Variants in ADAMTS6 observed in about 807,000 individuals in gnomAD.
ADAMTS6 encodes the protein A disintegrin and metalloproteinase with thrombospondin motifs 6.
Under a neutral mutation model 144.3 loss-of-function variants are expected in ADAMTS6, and 23 were observed. The observed-to-expected ratio is 0.16, with a 90% confidence interval of 0.11 to 0.23. The LOEUF is 0.23. Among genes scored for constraint, ADAMTS6 ranks in the 10% least tolerant of loss-of-function variants. The probability of loss-of-function intolerance (pLI) is 1.00; values close to 1 mark genes in which losing one functional copy is unlikely to be tolerated. For synonymous variants in ADAMTS6, 444 were observed against 457.5 expected (o/e 0.97, Z 0.38); for missense variants, 999 against 1,379.6 (o/e 0.72, Z 4.37).
chr5:65,334,827 A>G (rs146502973), intron 7 of ADAMTS6, among the ~76,000 whole-genome samples: 14 of 152,326 alleles, frequency 9.2e-5, no homozygotes, highest in Middle Eastern at 3.4e-3. Flanking sequence ...CAATATTGAT[A>G]TAAACATTTA....
At chr5:65,376,709 T>C (rs1229027887) in intron 7 of ADAMTS6, among the ~76,000 whole-genome samples, 1 of 152,060 alleles carries the variant, frequency 6.6e-6, no homozygotes, top group Non-Finnish European at 1.5e-5. Context: ...CATGTACATG[T>C]GGCCCCAGCT....
intron 10 of ADAMTS6, among the ~76,000 whole-genome samples, chr5:65,294,925 G>A (rs1040673935): frequency 6.7e-6 from 1 of 149,744 alleles, no homozygotes; most frequent in Non-Finnish European, 1.5e-5. Flanking sequence ...TTATTCATCT[G>A]CCAGTTTTGA....
Position 65,452,174 on chromosome 5 carries a change from T to G in ADAMTS6, c.886A>C (p.Asn296His), listed in dbSNP as rs368281895. 7 of 1,612,334 alleles carry G rather than the reference T, an allele frequency of 4.3e-6. No individual in the cohort carries two copies. The highest frequency in any genetic ancestry group is 5.9e-6 in the Non-Finnish European group (7 of 1,178,956). Residue 296 changes from asparagine (N) to histidine (H), a missense_variant, in exon 6 of 25, where the codon AAT becomes CAT. This residue lies in a region of ADAMTS6 where 128 missense variants were observed against 249.0 expected (regional missense o/e 0.51). Coordinates refer to ENST00000381055, the MANE Select transcript of ADAMTS6 (RefSeq NM_197941.4). The part of the protein sequence containing the change: ...YRDSSLGNVV[N>H]IIVARLIVLT... ...ACAATTAAGCGGGCCACTATAATAT[T>G]CACAACGTTTCCTAGGCTGGAATCA...
chr5:65,459,314 C>T (rs1268606140), intron 4 of ADAMTS6, among the ~76,000 whole-genome samples: 1 of 152,140 alleles, frequency 6.6e-6, no homozygotes, highest in Non-Finnish European at 1.5e-5. Context: ...TGTTATTCTT[C>T]CTGTTTAAAT....
intron 12 of ADAMTS6, among the ~76,000 whole-genome samples, chr5:65,269,824 C>T (rs1033601177): frequency 7.4e-6 from 1 of 135,556 alleles, no homozygotes; most frequent in Non-Finnish European, 1.5e-5. Context: ...TGGAGTCTTG[C>T]TCTGTTGCCC....
intron 24 of ADAMTS6, among the ~76,000 whole-genome samples, chr5:65,167,578 C>G (rs1753267996): frequency 7.3e-6 from 1 of 137,064 alleles, no homozygotes; most frequent in Non-Finnish European, 1.6e-5. Context: ...GAGACACAAC[C>G]AAAAAAGAGA....
chr5:65,388,512 G>A (rs1752656791), intron 7 of ADAMTS6, among the ~76,000 whole-genome samples: 1 of 152,160 alleles, frequency 6.6e-6, no homozygotes, highest in Non-Finnish European at 1.5e-5. Context: ...GCGATTAAAT[G>A]TACTTTCTCA....
At chr5:65,322,342 G>A (rs1745696646) in intron 9 of ADAMTS6, among the ~76,000 whole-genome samples, 1 of 152,070 alleles carries the variant, frequency 6.6e-6, no homozygotes, top group Admixed American at 6.6e-5. Context: ...GATTGCCTTG[G>A]CTATTTATTC....
chr5:65,321,631 T>C (rs539122732), intron 9 of ADAMTS6, among the ~76,000 whole-genome samples: 69 of 152,062 alleles, frequency 4.5e-4, no homozygotes, highest in Admixed American at 4.4e-3. Context: ...ATGTCCTGAA[T>C]TGTATTGCCT....
At chr5:65,381,437 A>C (rs1752030651) in intron 7 of ADAMTS6, among the ~76,000 whole-genome samples, 1 of 149,714 alleles carries the variant, frequency 6.7e-6, no homozygotes, top group Non-Finnish European at 1.5e-5. Context: ...ATCTTGGCTC[A>C]CTGCAACCTC....
At chr5:65,228,656 C>T (rs552740876) in intron 15 of ADAMTS6, among the ~76,000 whole-genome samples, 4 of 152,278 alleles carry the variant, frequency 2.6e-5, no homozygotes, top group East Asian at 1.9e-4. Context: ...ACCTGTATCA[C>T]ACCTCCCTCA....
In ADAMTS6 at chr5:65,214,605, A is replaced by G. The variant is rs779046132; in HGVS notation, c.2575+189T>C. 1.2e-4 allele frequency: 93 copies of G among 775,066 alleles called. 1 individual carries two copies. The highest frequency in any genetic ancestry group is 4.7e-4 in the Middle Eastern group (2 of 4,216). 48.0% of individuals were successfully genotyped at this position (775,066 alleles called of 1,614,324 possible). The stretch of plus-strand genomic sequence containing the variant: ...GTATTTTACCAACAAATCTGCACAA[A>G]TTACATGAGGTTGAAAACAAATGGA... On this transcript the variant is annotated intron_variant, in intron 20 of 24. Coordinates refer to ENST00000381055, the MANE Select transcript of ADAMTS6 (RefSeq NM_197941.4). This position sits in a 1 kb window ranked among gnomAD's most constrained non-coding sequence, Gnocchi z 4.6.
At chr5:65,204,949 T>G (rs1297842515) in intron 20 of ADAMTS6, among the ~76,000 whole-genome samples, 1 of 152,212 alleles carries the variant, frequency 6.6e-6, no homozygotes, top group African/African-American at 2.4e-5. Context: ...TTGAATAAAG[T>G]GCTTTTAACT....
intron 7 of ADAMTS6, among the ~76,000 whole-genome samples, chr5:65,423,830 T>G (rs1756276546): frequency 6.6e-6 from 1 of 152,180 alleles, no homozygotes. Context: ...CTTTAATAGC[T>G]GCTACTTCAA....
rs767558611 is a variant in ADAMTS6, at chr5:65,214,849, A to G, written c.2520T>C (p.Val840=). The change falls in exon 20 of 25, where the codon GTT becomes GTC. Residue 840 remains valine, a synonymous_variant. Coordinates refer to ENST00000381055, the MANE Select transcript of ADAMTS6 (RefSeq NM_197941.4). The surrounding 1 kb of genome is among the most constrained non-coding windows in gnomAD (Gnocchi z 4.6). ...AAGGCTGATGATTCCATGTAAAGCC[A>G]ACTTCATTATCTCCACTGCCAGTTC... ...ITRTGSGDNE[V]GFTWNHQPWS... 1.2e-6 allele frequency: 2 copies of G among 1,614,210 alleles called. No individual in the cohort carries two copies. Among genetic ancestry groups the G allele is most frequent in the East Asian group, 4.5e-5 (2 of 44,888 alleles).
intron 14 of ADAMTS6, among the ~76,000 whole-genome samples, chr5:65,252,235 A>G (rs1219753042): frequency 2.0e-5 from 3 of 152,160 alleles, no homozygotes; most frequent in Non-Finnish European, 4.4e-5. Context: ...ACAAGACATT[A>G]TGAATCTTAG....
chr5:65,481,577 G>A lies in ADAMTS6; in HGVS notation c.-514C>T, dbSNP rs1411865346. On this transcript the variant is annotated 5_prime_UTR_variant, in exon 1 of 25. Coordinates refer to ENST00000381055, the MANE Select transcript of ADAMTS6 (RefSeq NM_197941.4). The stretch of plus-strand genomic sequence containing the variant: ...TTTCCGATTTGGCAGAATAAGAGAT[G>A]CCTTCAATACATCTAGGCTATCACT... 1 of 151,822 alleles carries A rather than the reference G, an allele frequency of 6.6e-6. No homozygotes were observed. The highest frequency in any genetic ancestry group is 6.6e-5 in the Admixed American group (1 of 15,248). The allele number at this position is 151,822 out of a possible 1,614,324, so 9.4% of individuals were successfully genotyped here. A position where few individuals can be genotyped will look rare whatever the true frequency, so the allele number is the denominator to read the frequency against.
At chr5:65,371,491 C>CA (rs1750908129) in intron 7 of ADAMTS6, among the ~76,000 whole-genome samples, 1 of 151,872 alleles carries the variant, frequency 6.6e-6, no homozygotes, top group Non-Finnish European at 1.5e-5. Context: ...CCTCAGGAGC[C>CA]AATGCGATCA....
At position 65,230,596 on chromosome 5, in the gene ADAMTS6, GAT is replaced by G. The variant is rs1561305505; in HGVS notation, c.1934-4379_1934-4378del. Among the ~76,000 whole-genome samples the G allele has an allele frequency of 7.6e-4, 63 of 83,334 alleles. 13 individuals are homozygous for G. Among genetic ancestry groups the G allele is most frequent in the African/African-American group, 2.8e-3 (57 of 20,400 alleles). The allele number at this position is 83,334 out of a possible 152,430, so 54.7% of individuals were successfully genotyped here. A position where few individuals can be genotyped will look rare whatever the true frequency, so the allele number is the denominator to read the frequency against. On this transcript the variant is annotated intron_variant, in intron 15 of 24. Coordinates refer to ENST00000381055, the MANE Select transcript of ADAMTS6 (RefSeq NM_197941.4). ...GATATATATGAAATATATAATACAT[GAT>G]ATATATGAAATATATATAACACATA...
Sources: gnomAD v4.1 joint callset for allele counts (sites outside exome capture counted in the v4.1 genomes callset) on GRCh38, gnomAD v4.1.1 for gene constraint, gnomAD v4.1.1 regional missense constraint, Gnocchi (gnomAD v3.1) non-coding constraint, MANE v1.5 for transcripts, NCBI Gene and HGNC (gene_info 2026-07-23, HGNC 2026-07-21) for gene names.